The following CPNE5 variants were observed in gnomAD, a reference collection of about 807,000 sequenced individuals.
CPNE5 encodes the protein copine 5.
CPNE5 carries 42 observed loss-of-function variants against 81.1 expected under a neutral mutation model. That is an observed-to-expected ratio of 0.52 (90% CI 0.40 to 0.67). The LOEUF (loss-of-function observed/expected upper bound fraction) is 0.67, where lower values mean the gene tolerates loss of function less well. Ranked by LOEUF, CPNE5 falls within the 30% of genes least tolerant of loss-of-function variation. The pLI is 0.00. For synonymous variants in CPNE5, 313 were observed against 321.5 expected, an observed-to-expected ratio of 0.97 and a Z score of 0.28; for missense variants, 612 against 815.5, an observed-to-expected ratio of 0.75 and a Z score of 3.04.
At chr6:36,805,344 G>A (rs532641306) in intron 3 of CPNE5, among the ~76,000 whole-genome samples, 1 of 152,338 alleles carries the variant, frequency 6.6e-6, no homozygotes, top group South Asian at 2.1e-4. Flanking sequence ...CATTCTGCCA[G>A]CTCCCTGGGC....
chr6:36,800,804 T>C (rs1431631130), intron 3 of CPNE5, among the ~76,000 whole-genome samples: 1 of 152,186 alleles, frequency 6.6e-6, no homozygotes, highest in Non-Finnish European at 1.5e-5. Context: ...CCAGCTGCCA[T>C]GTTGTGAGCT....
At chr6:36,753,794 A>G (rs1765098874) in intron 13 of CPNE5, among the ~76,000 whole-genome samples, 1 of 152,232 alleles carries the variant, frequency 6.6e-6, no homozygotes, top group South Asian at 2.1e-4. Context: ...GCAGCTCATT[A>G]TCATAACAAT....
chr6:36,775,191 G>T (rs979140493), intron 9 of CPNE5, 126 bp from the exon 10 acceptor site: 3 of 697,862 alleles, frequency 4.3e-6, no homozygotes, highest in Non-Finnish European at 7.6e-6. Flanking sequence ...GGCTTCAAAA[G>T]GTGATGAGCT....
chr6:36,742,379 G>A lies in CPNE5; in HGVS notation c.1671C>T (p.Tyr557=), dbSNP rs1343420562. ...GCGGGCGAATGCCCTGTGCCTTCAT[G>A]TAGGACACCAGTTGGTCAGGGATCT... ...LAEIPDQLVS[Y]MKAQGIRPRP... is the part of the protein sequence containing the mutation. The change falls in exon 21 of 21, where the codon TAC becomes TAT. Residue 557 remains tyrosine, a synonymous_variant. Coordinates refer to ENST00000244751, the MANE Select transcript of CPNE5 (RefSeq NM_020939.2). 5 of 1,613,732 alleles carry A rather than the reference G, an allele frequency of 3.1e-6. No individual in the cohort carries two copies. The highest frequency in any genetic ancestry group is 4.2e-6 in the Non-Finnish European group (5 of 1,179,994).
chr6:36,778,714 C>T lies in CPNE5; in HGVS notation c.632+140G>A, dbSNP rs1767763286. 3 of 645,872 alleles carry T rather than the reference C, an allele frequency of 4.6e-6. No homozygotes were observed. In the African/African-American group the frequency reaches 5.4e-5, roughly 12 times the overall value. 40.0% of individuals were successfully genotyped at this position (645,872 alleles called of 1,614,324 possible). ...GGCACTACCCTGGGGCCCCGGACTT[C>T]CACCCAGAGCCCTTGCCCTCTCTAG... On this transcript the variant is annotated intron_variant, in intron 9 of 20. Coordinates refer to ENST00000244751, the MANE Select transcript of CPNE5 (RefSeq NM_020939.2).
intron 12 of CPNE5, among the ~76,000 whole-genome samples, chr6:36,757,954 A>G (rs978236529): frequency 4.6e-5 from 7 of 152,128 alleles, no homozygotes; most frequent in Non-Finnish European, 1.0e-4. Flanking sequence ...AAATGTCTGA[A>G]TGTCACCCAG....
Position 36,774,594 on chromosome 6 carries a change from A to G in CPNE5, c.737+367T>C, listed in dbSNP as rs139475428. 8.6e-3 allele frequency among the ~76,000 whole-genome samples: 1,301 copies of G among 152,120 alleles called. 15 individuals are homozygous for G. The highest frequency in any genetic ancestry group is 0.029 in the African/African-American group (1,220 of 41,498). ...GAACAATGAAAAGACAAGCTGCTGA[A>G]CTCCAGGCCTGGGCACCCGGGACAC... On this transcript the variant is annotated intron_variant, in intron 10 of 20. Transcript: ENST00000244751.
In CPNE5 at chr6:36,774,245, G is replaced by T. The variant is rs111569780; in HGVS notation, c.737+716C>A. Among the ~76,000 whole-genome samples the T allele has an allele frequency of 4.1e-3, 617 of 152,246 alleles. 8 individuals carry two copies. The highest frequency in any genetic ancestry group is 4.2e-3 in the Non-Finnish European group (286 of 68,018). On this transcript the variant is annotated intron_variant, in intron 10 of 20. Coordinates refer to ENST00000244751, the MANE Select transcript of CPNE5 (RefSeq NM_020939.2). ...AAAAATAAAAAATTAGCTGGGCGTGGTGGTAGGTGCCTGTAGTCCCAACTA... is the reference window on the plus strand; with the variant it reads ...AAAAATAAAAAATTAGCTGGGCGTGTTGGTAGGTGCCTGTAGTCCCAACTA...
chr6:36,745,208 C>G, intron 17 of CPNE5, 58 bp from the exon 18 acceptor site: 1 of 1,498,090 alleles, frequency 6.7e-7, no homozygotes, highest in South Asian at 1.1e-5. Flanking sequence ...CATGTTCCCC[C>G]CTAAACAAGG....
At chr6:36,817,719 C>T (rs1255824851) in intron 3 of CPNE5, among the ~76,000 whole-genome samples, 1 of 152,188 alleles carries the variant, frequency 6.6e-6, no homozygotes, top group African/African-American at 2.4e-5. Context: ...TCTGTTGGCC[C>T]TAGGTCTCCT....
At chr6:36,779,342 GC>G (rs1767817974) in intron 8 of CPNE5, among the ~76,000 whole-genome samples, 1 of 152,190 alleles carries the variant, frequency 6.6e-6, no homozygotes, top group South Asian at 2.1e-4. Context: ...GAGGCACGTG[GC>G]AACCCCTTGA....
rs1215981331 is a variant in CPNE5, at chr6:36,745,206, C to T, written c.1329-56G>A. On this transcript the variant is annotated intron_variant, in intron 17 of 20. Coordinates refer to ENST00000244751, the MANE Select transcript of CPNE5 (RefSeq NM_020939.2). ...TCTGCGGGACCTCTGGGCATGTTCC[C>T]CCCTAAACAAGGACCCTGAACACTT... The T allele has an allele frequency of 4.0e-6, 6 of 1,502,650 alleles. No homozygotes were observed. In the East Asian group the frequency reaches 9.1e-5, roughly 23 times the overall value. 93.1% of individuals were successfully genotyped at this position (1,502,650 alleles called of 1,614,324 possible).
At chr6:36,812,369 G>C (rs138773452) in intron 3 of CPNE5, among the ~76,000 whole-genome samples, 62 of 152,268 alleles carry the variant, frequency 4.1e-4, no homozygotes, top group African/African-American at 1.4e-3. Flanking sequence ...GGAGGGGAAG[G>C]AAAGGGATAG....
intron 8 of CPNE5, among the ~76,000 whole-genome samples, chr6:36,779,372 G>C (rs985009970): frequency 6.6e-6 from 1 of 152,208 alleles, no homozygotes; most frequent in Admixed American, 6.5e-5. Context: ...AACACACGTG[G>C]TTTCATTACA....
intron 3 of CPNE5, among the ~76,000 whole-genome samples, chr6:36,805,564 C>T (rs1028929881): frequency 6.6e-6 from 1 of 152,108 alleles, no homozygotes; most frequent in African/African-American, 2.4e-5. Flanking sequence ...AGGGAAGGTG[C>T]GCAAGTGTGC....
At chr6:36,743,600 A>G in intron 20 of CPNE5, 89 bp downstream of exon 20, 1 of 1,295,070 alleles carries the variant, frequency 7.7e-7, no homozygotes, top group Non-Finnish European at 1.1e-6. Context: ...TGGGCCCTTC[A>G]CCAGGGAAGC....
intron 8 of CPNE5, among the ~76,000 whole-genome samples, chr6:36,784,083 C>A (rs1768297068): frequency 6.6e-6 from 1 of 152,208 alleles, no homozygotes; most frequent in South Asian, 2.1e-4. Context: ...AAAGGATTGG[C>A]TCTGAAACTC....
chr6:36,742,691 C>T (rs1763672791), intron 20 of CPNE5: 1 of 985,120 alleles, frequency 1.0e-6, no homozygotes, highest in Admixed American at 6.2e-5. Context: ...AGTCACTATT[C>T]TTTCATTCAC....
intron 4 of CPNE5, 29 bp downstream of exon 4, chr6:36,799,938 C>G (rs1769955318): frequency 2.0e-6 from 3 of 1,512,394 alleles, no homozygotes. Context: ...CCCCACCTGG[C>G]TGCATCTTCA....
Sources: allele counts gnomAD v4.1 joint callset (sites outside exome capture counted in the v4.1 genomes callset), GRCh38; gene constraint gnomAD v4.1.1; transcripts MANE v1.5; gene names NCBI Gene and HGNC (gene_info 2026-07-23, HGNC 2026-07-21).